PXDNL: variants seen among roughly 807,000 people sequenced by gnomAD.
The protein encoded by PXDNL is probable oxidoreductase PXDNL.
Under a neutral mutation model 150.8 loss-of-function variants are expected in PXDNL, and 145 were observed. The ratio of observed to expected loss-of-function variants is 0.96; its 90% CI spans 0.84 to 1.10. The LOEUF (loss-of-function observed/expected upper bound fraction) is 1.10. PXDNL is among the 50% of genes least tolerant of loss of function. The pLI is 0.00. For synonymous variants in PXDNL, 757 were observed against 725.7 expected (o/e 1.04, Z -0.69); for missense variants, 2,087 against 1,873.9 (o/e 1.11, Z -2.10).
chr8:51,436,415 C>A, intron 12 of PXDNL: 1 of 393,148 alleles, frequency 2.5e-6, no homozygotes, highest in Non-Finnish European at 5.2e-6. Context: ...GTCATAAGAT[C>A]CATCACACCT....
intron 1 of PXDNL, among the ~76,000 whole-genome samples, chr8:51,714,392 A>ATAC (rs1441636997): frequency 6.6e-6 from 1 of 152,186 alleles, no homozygotes; most frequent in Non-Finnish European, 1.5e-5. Context: ...TATTACCACT[A>ATAC]TACTGTTGGC....
At chr8:51,764,151 T>C (rs1315461878) in intron 1 of PXDNL, among the ~76,000 whole-genome samples, 1 of 152,174 alleles carries the variant, frequency 6.6e-6, no homozygotes, top group African/African-American at 2.4e-5. Context: ...TAATGTCCTC[T>C]CTTTATTCCT....
chr8:51,524,603 GAA>G (rs778534964), intron 4 of PXDNL, among the ~76,000 whole-genome samples: 2 of 151,940 alleles, frequency 1.3e-5, no homozygotes, highest in Non-Finnish European at 2.9e-5. Flanking sequence ...TTTTAGATGT[GAA>G]ACTTTTCTTA....
intron 3 of PXDNL, among the ~76,000 whole-genome samples, chr8:51,558,281 A>G (rs1355864497): frequency 2.0e-5 from 3 of 152,114 alleles, no homozygotes; most frequent in Non-Finnish European, 1.5e-5. Flanking sequence ...GGTACAGACT[A>G]GACATTGAGA....
rs149205472 is a variant in PXDNL at position 51,497,261 on chromosome 8, T to A, written c.452+2438A>T. Among the ~76,000 whole-genome samples, 105 of 152,310 alleles carry A rather than the reference T, an allele frequency of 6.9e-4. 1 individual carries two copies. In the East Asian group the frequency reaches 0.019, roughly 27 times the overall value. On this transcript the variant is annotated intron_variant, in intron 5 of 22. Coordinates refer to ENST00000356297, the MANE Select transcript of PXDNL (RefSeq NM_144651.5). ...AGAAAGCTGAAACTGGATCCCTTCC[T>A]GACACCTTATACAAAAATTCACTCG...
chr8:51,511,606 C>T (rs1336135113), intron 4 of PXDNL, among the ~76,000 whole-genome samples: 1 of 152,192 alleles, frequency 6.6e-6, no homozygotes, highest in Non-Finnish European at 1.5e-5. Context: ...TCCAAAGCCA[C>T]TCACTGACCA....
intron 1 of PXDNL, among the ~76,000 whole-genome samples, chr8:51,790,939 G>A (rs2037507184): frequency 6.6e-6 from 1 of 151,428 alleles, no homozygotes; most frequent in South Asian, 2.1e-4. Context: ...AAGAGATCCA[G>A]AATCTTTTAG....
intron 4 of PXDNL, among the ~76,000 whole-genome samples, chr8:51,539,386 G>A (rs1241222911): frequency 6.6e-6 from 1 of 151,818 alleles, no homozygotes; most frequent in African/African-American, 2.4e-5. Context: ...TTGGTTAAGG[G>A]ATTTTGCTTT....
intron 1 of PXDNL, among the ~76,000 whole-genome samples, chr8:51,725,106 T>A (rs901532095): frequency 6.6e-6 from 1 of 152,132 alleles, no homozygotes; most frequent in African/African-American, 2.4e-5. Context: ...TTTCTGGGTA[T>A]TTGCTGTCTT....
intron 1 of PXDNL, among the ~76,000 whole-genome samples, chr8:51,777,041 TAAAAGC>T (rs2037361334): frequency 6.6e-6 from 1 of 152,150 alleles, no homozygotes; most frequent in Non-Finnish European, 1.5e-5. Flanking sequence ...CATATTAAAG[TAAAAGC>T]AAAGCAAGTA....
chr8:51,700,581 TACACACATA>T (rs1228399191), intron 1 of PXDNL, among the ~76,000 whole-genome samples: 8 of 9,050 alleles, frequency 8.8e-4, no homozygotes, highest in Non-Finnish European at 1.7e-3. Context: ...TATACCCATA[TACACACATA>T]TACACACATA....
At chr8:51,436,919 G>T (rs570800822) in intron 12 of PXDNL, among the ~76,000 whole-genome samples, 1 of 152,172 alleles carries the variant, frequency 6.6e-6, no homozygotes, top group East Asian at 1.9e-4. Context: ...AAAAAAGCTG[G>T]TTCTTTGAAA....
intron 1 of PXDNL, among the ~76,000 whole-genome samples, chr8:51,700,697 C>T (rs1816240228): frequency 6.6e-6 from 1 of 151,832 alleles, no homozygotes; most frequent in Non-Finnish European, 1.5e-5. Context: ...CATACACATA[C>T]ACACAGACAC....
intron 19 of PXDNL, among the ~76,000 whole-genome samples, chr8:51,361,739 A>T (rs1219342792): frequency 1.3e-5 from 2 of 152,072 alleles, no homozygotes; most frequent in East Asian, 3.9e-4. Context: ...AGGCAGGTGG[A>T]TTACTTAAGG....
chr8:51,741,290 T>C (rs959914143), intron 1 of PXDNL, among the ~76,000 whole-genome samples: 1 of 152,164 alleles, frequency 6.6e-6, no homozygotes, highest in African/African-American at 2.4e-5. Context: ...ACTATACAAT[T>C]AGTGTGTAGA....
intron 1 of PXDNL, among the ~76,000 whole-genome samples, chr8:51,695,695 A>G (rs1457801012): frequency 6.6e-6 from 1 of 152,200 alleles, no homozygotes; most frequent in African/African-American, 2.4e-5. Context: ...TCACTTGCAC[A>G]TTAAATGATT....
At chr8:51,448,678 CGACAGAACAA>C (rs1809736418) in intron 11 of PXDNL, among the ~76,000 whole-genome samples, 1 of 150,260 alleles carries the variant, frequency 6.7e-6, no homozygotes, top group Admixed American at 6.7e-5. Context: ...CCAGCCTGGG[CGACAGAACAA>C]GACTCTGTCT....
chr8:51,528,743 G>A lies in PXDNL; in HGVS notation c.380+28097C>T, dbSNP rs371578566. ...CATGGGAGGGACTCACTTTACTCTT[G>A]CTGGTTTTGAAGCTGGAAATGGGAC... On this transcript the variant is annotated intron_variant, in intron 4 of 22. Coordinates refer to ENST00000356297, the MANE Select transcript of PXDNL (RefSeq NM_144651.5). Among the ~76,000 whole-genome samples the A allele has an allele frequency of 2.6e-5, 4 of 152,298 alleles. No homozygotes were observed. In the East Asian group the frequency reaches 5.8e-4, roughly 22 times the overall value.
At chr8:51,339,183 G>A (rs1480421413) in intron 21 of PXDNL, among the ~76,000 whole-genome samples, 6 of 152,128 alleles carry the variant, frequency 3.9e-5, no homozygotes, top group South Asian at 4.1e-4. Flanking sequence ...ACTCCCTGCC[G>A]GTGCAGTGAC....
Sources: gnomAD v4.1 joint callset for allele counts (sites outside exome capture counted in the v4.1 genomes callset) on GRCh38, gnomAD v4.1.1 for gene constraint, MANE v1.5 for transcripts, NCBI Gene and HGNC (gene_info 2026-07-23, HGNC 2026-07-21) for gene names.